SOX5: variants seen among roughly 807,000 people sequenced by gnomAD.
The protein encoded by SOX5 is SRY-box transcription factor 5.
Under a neutral mutation model 92.0 loss-of-function variants are expected in SOX5, and 9 were observed. The observed-to-expected ratio is 0.10, with a 90% confidence interval of 0.06 to 0.17. SOX5 has a LOEUF of 0.17. Among genes scored for constraint, SOX5 ranks in the 10% least tolerant of loss-of-function variants. SOX5 has a pLI of 1.00. For missense variants in SOX5, 642 were observed against 944.5 expected, an observed-to-expected ratio of 0.68 and a Z score of 4.20; for synonymous variants, 344 against 336.3, an observed-to-expected ratio of 1.02 and a Z score of -0.25.
intron 6 of SOX5, among the ~76,000 whole-genome samples, chr12:23,734,094 T>C (rs1408170957): frequency 6.6e-6 from 1 of 152,198 alleles, no homozygotes; most frequent in Non-Finnish European, 1.5e-5. Flanking sequence ...GAAACTTTTT[T>C]TCTTTTTGTT....
chr12:24,154,017 C>G (rs938700120), intron 4 of SOX5, among the ~76,000 whole-genome samples: 1 of 152,074 alleles, frequency 6.6e-6, no homozygotes, highest in Non-Finnish European at 1.5e-5. Context: ...TCCCATCAGA[C>G]TAACCCTTAG....
chr12:24,153,472 A>C (rs943758461), intron 4 of SOX5, among the ~76,000 whole-genome samples: 2 of 152,130 alleles, frequency 1.3e-5, no homozygotes, highest in Non-Finnish European at 2.9e-5. Flanking sequence ...CTGCTGTTTC[A>C]AAGTAATATG....
At chr12:24,041,110 A>C (rs1364408611) in intron 4 of SOX5, among the ~76,000 whole-genome samples, 3 of 152,210 alleles carry the variant, frequency 2.0e-5, no homozygotes, top group Non-Finnish European at 4.4e-5. Context: ...GACATGTAGG[A>C]AAACTGATGT....
intron 1 of SOX5, among the ~76,000 whole-genome samples, chr12:24,380,025 T>C (rs2136348011): frequency 6.6e-6 from 1 of 152,284 alleles, no homozygotes; most frequent in Middle Eastern, 3.4e-3. Context: ...GAAAAGAATA[T>C]AGGGGCATAG....
intron 2 of SOX5, among the ~76,000 whole-genome samples, chr12:23,895,519 C>A (rs2097168302): frequency 6.6e-6 from 1 of 152,078 alleles, no homozygotes; most frequent in South Asian, 2.1e-4. Flanking sequence ...CTTACTTTAA[C>A]ATTATTTTTA....
chr12:24,151,066 C>T (rs1951604299), intron 4 of SOX5, among the ~76,000 whole-genome samples: 1 of 152,010 alleles, frequency 6.6e-6, no homozygotes, highest in Admixed American at 6.6e-5. Context: ...ATTAAAAACA[C>T]TGAGCAAGAT....
At chr12:23,684,090 A>T (rs754149427) in intron 6 of SOX5, among the ~76,000 whole-genome samples, 1 of 151,958 alleles carries the variant, frequency 6.6e-6, no homozygotes, top group Non-Finnish European at 1.5e-5. Context: ...TAAATATACA[A>T]TAAAGATTTC....
At chr12:23,968,486 A>G (rs1947846651) in intron 4 of SOX5, among the ~76,000 whole-genome samples, 1 of 152,132 alleles carries the variant, frequency 6.6e-6, no homozygotes, top group Admixed American at 6.5e-5. Flanking sequence ...TCATCGTGGG[A>G]GTGGGTTTGT....
intron 3 of SOX5, among the ~76,000 whole-genome samples, chr12:24,244,426 C>A (rs577339120): frequency 6.6e-6 from 1 of 152,234 alleles, no homozygotes; most frequent in East Asian, 1.9e-4. Context: ...CTGCATATGT[C>A]CCCCCAGGGC....
chr12:24,539,493 C>G (rs1007531180), intron 1 of SOX5, among the ~76,000 whole-genome samples: 10 of 152,118 alleles, frequency 6.6e-5, no homozygotes, highest in African/African-American at 2.4e-4. Context: ...TTAAATCTAT[C>G]AACTTTCAAA....
chr12:23,938,632 A>T (rs2139454107), intron 1 of SOX5, among the ~76,000 whole-genome samples: 1 of 151,136 alleles, frequency 6.6e-6, no homozygotes, highest in African/African-American at 2.4e-5. Flanking sequence ...CAGCAAATTC[A>T]TTACTCAAAT....
Position 24,163,262 on chromosome 12 carries a change from A to C in SOX5, c.-2+50081T>G, listed in dbSNP as rs565241804. Among the ~76,000 whole-genome samples the C allele has an allele frequency of 2.0e-5, 3 of 152,276 alleles. No individual in the cohort carries two copies. In the South Asian group the frequency reaches 6.2e-4, roughly 32 times the overall value. On this transcript the variant is annotated intron_variant, in intron 4 of 4. Transcript: ENST00000446891. ...AAAGCAATGATTAAAACAAAAAACA[A>C]ATCCCAAACTAGTCACACAGCATTA...
chr12:23,923,293 A>AAATGAATGAATGAATG (rs142332141), intron 1 of SOX5, among the ~76,000 whole-genome samples: 1,982 of 149,120 alleles, frequency 0.013, 16 homozygotes, highest in Admixed American at 0.031. Context: ...ACCCAAAAAT[A>AAATGAATGAATGAATG]AATGAATGAA....
In SOX5 at chr12:23,533,136, C is replaced by G. The variant is rs1363403118; in HGVS notation, c.*1083G>C. 1 of 455,228 alleles carries G rather than the reference C, an allele frequency of 2.2e-6. No individual in the cohort carries two copies. The highest frequency in any genetic ancestry group is 2.0e-5 in the African/African-American group (1 of 49,988). 28.2% of individuals were successfully genotyped at this position (455,228 alleles called of 1,614,324 possible). On this transcript the variant is annotated 3_prime_UTR_variant, in exon 15 of 15. Coordinates refer to ENST00000451604, the MANE Select transcript of SOX5 (RefSeq NM_006940.6). ...GTCATTTGAAGTGCAAAGTCAAGGTCAAGATTATTTCTAGACCAGTCACTT... is the reference window on the plus strand; with the variant it reads ...GTCATTTGAAGTGCAAAGTCAAGGTGAAGATTATTTCTAGACCAGTCACTT...
In SOX5 at chr12:24,335,250, T is replaced by C. The variant is rs184143735; in HGVS notation, c.-174+33313A>G. On this transcript the variant is annotated intron_variant, in intron 2 of 4. Transcript: ENST00000446891. ...ACATGCAGCACATACAACTTCCTTG[T>C]AGCTATTTCAGAGGGGCCCAAAAAA... Among the ~76,000 whole-genome samples, 16 of 118,802 alleles carry C rather than the reference T, an allele frequency of 1.3e-4. No individual in the cohort carries two copies. In the East Asian group the frequency reaches 1.5e-3, roughly 11 times the overall value. The allele number at this position is 118,802 out of a possible 152,430, so 77.9% of individuals were successfully genotyped here. A position where few individuals can be genotyped will look rare whatever the true frequency, so the allele number is the denominator to read the frequency against.
chr12:23,802,442 G>A (rs1244434135), intron 3 of SOX5, among the ~76,000 whole-genome samples: 1 of 152,014 alleles, frequency 6.6e-6, no homozygotes, highest in Non-Finnish European at 1.5e-5. Flanking sequence ...CAAGTCTATG[G>A]ATATGCACAA....
chr12:24,155,419 A>G (rs557087155), intron 4 of SOX5, among the ~76,000 whole-genome samples: 1 of 152,118 alleles, frequency 6.6e-6, no homozygotes, highest in South Asian at 2.1e-4. Flanking sequence ...TATTTTTTTG[A>G]CATTGTTTCC....
At chr12:24,180,097 G>T (rs2139265793) in intron 4 of SOX5, among the ~76,000 whole-genome samples, 1 of 152,062 alleles carries the variant, frequency 6.6e-6, no homozygotes, top group South Asian at 2.1e-4. Context: ...GGAATTATAG[G>T]ATTATAGGAA....
intron 4 of SOX5, among the ~76,000 whole-genome samples, chr12:24,094,454 C>CTT (rs5797062): frequency 0.035 from 4,511 of 127,652 alleles, 120 homozygotes; most frequent in Middle Eastern, 0.096. Flanking sequence ...CTATTAGTGG[C>CTT]TTTTTTTTTT....
Sources: allele counts gnomAD v4.1 joint callset (sites outside exome capture counted in the v4.1 genomes callset), GRCh38; gene constraint gnomAD v4.1.1; transcripts MANE v1.5; gene names NCBI Gene and HGNC (gene_info 2026-07-23, HGNC 2026-07-21).